The following POLE2 variants were observed in gnomAD, a reference collection of about 807,000 sequenced individuals.
The protein encoded by POLE2 is DNA polymerase epsilon subunit 2.
In POLE2, 56 loss-of-function variants were observed where a neutral mutation model predicts 79.4. The ratio of observed to expected loss-of-function variants is 0.71; its 90% CI spans 0.57 to 0.88. POLE2 has a LOEUF of 0.88. Among genes scored for constraint, POLE2 ranks in the 40% least tolerant of loss-of-function variants. The pLI, the probability that POLE2 is intolerant of heterozygous loss-of-function variation, is 0.00. For synonymous variants in POLE2, 212 were observed against 214.0 expected, an observed-to-expected ratio of 0.99 and a Z score of 0.08; for missense variants, 598 against 638.9, an observed-to-expected ratio of 0.94 and a Z score of 0.69.
At position 49,674,139 on chromosome 14, in the gene POLE2, T is replaced by C; in HGVS notation, c.401A>G (p.Tyr134Cys). ...CAAACTTACCTGGTGCAAAATGGTA[T>C]ATCGCTCACGAAACATCTCTGCTTT... ...RDKAEMFRER[Y>C]TILHQRTHRH... Residue 134 changes from tyrosine to cysteine, a missense_variant, in exon 5 of 19, where the codon TAT (tyrosine) becomes TGT (cysteine). By Grantham distance (194) the Tyr-to-Cys change is radical. Coordinates refer to ENST00000216367, the MANE Select transcript of POLE2 (RefSeq NM_002692.4). 6.2e-7 allele frequency: 1 copy of C among 1,611,242 alleles called. No individual in the cohort carries two copies. Among genetic ancestry groups the C allele is most frequent in the African/African-American group, 1.3e-5 (1 of 74,998 alleles).
intron 17 of POLE2, 32 bp from the exon 18 acceptor site, chr14:49,647,392 G>A (rs1436710524): frequency 9.4e-6 from 10 of 1,066,776 alleles, no homozygotes; most frequent in Non-Finnish European, 1.2e-5. Flanking sequence ...GTAAGTGAAT[G>A]CTCAGACTTT....
intron 3 of POLE2, 48 bp downstream of exon 3, chr14:49,679,677 G>A: frequency 1.1e-6 from 1 of 879,866 alleles, no homozygotes; most frequent in Non-Finnish European, 1.9e-6. Flanking sequence ...AAAAATAAGT[G>A]CTCAATAACA....
At chr14:49,672,802 CTCTTG>C (rs1885995385) in intron 5 of POLE2, among the ~76,000 whole-genome samples, 2 of 151,968 alleles carry the variant, frequency 1.3e-5, no homozygotes, top group Non-Finnish European at 1.5e-5. Flanking sequence ...CCTAGCCTCC[CTCTTG>C]TCTTTTTATC....
chr14:49,660,670 T>A (rs1885036447), intron 10 of POLE2, among the ~76,000 whole-genome samples: 1 of 152,080 alleles, frequency 6.6e-6, no homozygotes, highest in African/African-American at 2.4e-5. Context: ...GGCCAGTGGA[T>A]CACCTGAGGT....
chr14:49,687,302 A>C (rs1356746901), intron 1 of POLE2, among the ~76,000 whole-genome samples: 30 of 48,354 alleles, frequency 6.2e-4, no homozygotes, highest in Admixed American at 1.6e-3. Context: ...CACACACACC[A>C]CACACACACA....
intron 3 of POLE2, among the ~76,000 whole-genome samples, chr14:49,675,561 G>A (rs1171761297): frequency 1.3e-5 from 2 of 152,006 alleles, no homozygotes; most frequent in South Asian, 2.1e-4. Flanking sequence ...AAGTAGCTGG[G>A]ATTACAGGCA....
rs1362983845 is a variant in POLE2 at position 49,669,589 on chromosome 14, T to A, written c.427A>T (p.Arg143Trp). The change falls in exon 6 of 19, where the codon AGG becomes TGG. Residue 143 changes from arginine (R) to tryptophan (W), a missense_variant. Transcript: ENST00000216367. ...RYTILHQRTH[R>W]HELFTPPVIG... The stretch of plus-strand genomic sequence containing the variant: ...ACCGGAGGAGTAAATAATTCATGCC[T>A]GTGGGTCCTCTATAAAAAAGAAAGA... 6.4e-7 allele frequency: 1 copy of A among 1,567,338 alleles called. No individual in the cohort carries two copies. The highest frequency in any genetic ancestry group is 1.1e-5 in the South Asian group (1 of 89,426).
chr14:49,658,339 G>A (rs1438773940), intron 10 of POLE2, among the ~76,000 whole-genome samples: 1 of 152,024 alleles, frequency 6.6e-6, no homozygotes, highest in African/African-American at 2.4e-5. Context: ...GCTTCCCAAA[G>A]TACTGGGATT....
At chr14:49,663,934 G>A (rs1885276489) in intron 9 of POLE2, among the ~76,000 whole-genome samples, 1 of 152,090 alleles carries the variant, frequency 6.6e-6, no homozygotes, top group Non-Finnish European at 1.5e-5. Flanking sequence ...CTATTAGGGA[G>A]GCTGAGGCAG....
chr14:49,679,764 G>A lies in POLE2; in HGVS notation c.206C>T (p.Ala69Val). Reference sequence around the variant, plus strand: ...AGACTGACTGCATTCCTGGACTGCTGCTTCCACCACAGATCGTTCAATCAT... The same window carrying A: ...AGACTGACTGCATTCCTGGACTGCTACTTCCACCACAGATCGTTCAATCAT... ...SNMIERSVVE[A>V]AVQECSQSVD... Residue 69 changes from alanine to valine, a missense_variant, in exon 3 of 19, where the codon GCA (alanine) becomes GTA (valine). Ala to Val is a moderately conservative substitution (Grantham distance 64). Transcript: ENST00000216367. 6.2e-7 allele frequency: 1 copy of A among 1,606,866 alleles called. No homozygotes were observed. Among genetic ancestry groups the A allele is most frequent in the African/African-American group, 1.3e-5 (1 of 74,814 alleles).
At chr14:49,673,817 T>C (rs1270511375) in intron 5 of POLE2, among the ~76,000 whole-genome samples, 5 of 152,202 alleles carry the variant, frequency 3.3e-5, no homozygotes, top group Non-Finnish European at 7.3e-5. Flanking sequence ...CATTTACACA[T>C]TATTAGTATT....
intron 3 of POLE2, among the ~76,000 whole-genome samples, chr14:49,678,121 T>G (rs1325738462): frequency 6.6e-6 from 1 of 152,056 alleles, no homozygotes; most frequent in African/African-American, 2.4e-5. Context: ...TGCCTCAGCT[T>G]CCCAAATAGC....
At chr14:49,645,121 G>A (rs1022744707) in intron 18 of POLE2, among the ~76,000 whole-genome samples, 3 of 150,944 alleles carry the variant, frequency 2.0e-5, no homozygotes, top group African/African-American at 4.9e-5. Context: ...ATAGGCTTAA[G>A]TATACCTATA....
intron 6 of POLE2, among the ~76,000 whole-genome samples, 181 bp from the exon 7 acceptor site, chr14:49,666,594 A>T (rs939114862): frequency 6.6e-6 from 1 of 152,184 alleles, no homozygotes; most frequent in African/African-American, 2.4e-5. Context: ...ATTTTGTCCT[A>T]CAAAAAAGCT....
intron 6 of POLE2, among the ~76,000 whole-genome samples, chr14:49,666,966 C>T (rs757956345): frequency 6.6e-5 from 10 of 151,798 alleles, no homozygotes; most frequent in Non-Finnish European, 1.2e-4. Context: ...TTTGGGAGGC[C>T]GAGGCAGGCG....
At chr14:49,654,884 TA>T in intron 12 of POLE2, 46 bp from the exon 13 acceptor site, 1 of 1,458,248 alleles carries the variant, frequency 6.9e-7, no homozygotes, top group African/African-American at 1.5e-5. Context: ...TATAATGCCA[TA>T]AAATTATATT....
At chr14:49,646,301 G>GTTTTTTT (rs1566522550) in intron 18 of POLE2, among the ~76,000 whole-genome samples, 18 of 90,754 alleles carry the variant, frequency 2.0e-4, no homozygotes, top group African/African-American at 8.6e-4. Context: ...TTTTTTTGTT[G>GTTTTTTT]GTTTTTTTTT....
At chr14:49,649,382 G>C (rs572884284) in intron 17 of POLE2, among the ~76,000 whole-genome samples, 1 of 151,302 alleles carries the variant, frequency 6.6e-6, no homozygotes, top group South Asian at 2.1e-4. Flanking sequence ...TCCTGACCTC[G>C]TGATCTGCCC....
At chr14:49,677,753 A>G in intron 3 of POLE2, 1 of 1,329,250 alleles carries the variant, frequency 7.5e-7, no homozygotes, top group South Asian at 1.6e-5. Flanking sequence ...ACAAAGCCCC[A>G]CGCATTCTTC....
Sources: allele counts gnomAD v4.1 joint callset (sites outside exome capture counted in the v4.1 genomes callset), GRCh38; gene constraint gnomAD v4.1.1; transcripts MANE v1.5; gene names NCBI Gene and HGNC (gene_info 2026-07-23, HGNC 2026-07-21).